Variants in HOXB8 observed in about 807,000 individuals in gnomAD.
The protein encoded by HOXB8 is homeobox protein Hox-B8.
Under a neutral mutation model 22.2 loss-of-function variants are expected in HOXB8, and 17 were observed. That is an observed-to-expected ratio of 0.77 (90% confidence interval 0.53 to 1.15). The LOEUF is 1.15. Among genes scored for constraint, HOXB8 ranks in the 50% most tolerant of loss-of-function variants. The probability of loss-of-function intolerance (pLI) is 0.00; values close to 1 mark genes in which losing one functional copy is unlikely to be tolerated. For missense variants in HOXB8, 287 were observed against 323.8 expected (o/e 0.89, Z 0.87); for synonymous variants, 156 against 144.6 (o/e 1.08, Z -0.57).
chr17:48,612,959 C>T lies in HOXB8; in HGVS notation c.*243G>A. On this transcript the variant is annotated 3_prime_UTR_variant, in exon 2 of 2. Coordinates refer to ENST00000239144, the MANE Select transcript of HOXB8 (RefSeq NM_024016.4). ...AGGGCGAGGGAGCCTTTGCTTAAATCCTTTTCTTTCCCCCCGGCCCCCAAG... is the reference window on the plus strand; with the variant it reads ...AGGGCGAGGGAGCCTTTGCTTAAATTCTTTTCTTTCCCCCCGGCCCCCAAG... 5.3e-6 allele frequency: 1 copy of T among 190,090 alleles called. No homozygotes were observed. Among genetic ancestry groups the T allele is most frequent in the Non-Finnish European group, 1.1e-5 (1 of 94,382 alleles). The allele number at this position is 190,090 out of a possible 1,614,324, so 11.8% of individuals were successfully genotyped here.
Position 48,613,194 on chromosome 17 carries a change from G to C in HOXB8, c.*8C>G. ...GGCGGCCGCGGCCCTGGCAGTCCCA[G>C]CTGAAGCCTACTTCTTGTCGCCCTT... On this transcript the variant is annotated 3_prime_UTR_variant, in exon 2 of 2. Coordinates refer to ENST00000239144, the MANE Select transcript of HOXB8 (RefSeq NM_024016.4). The C allele has an allele frequency of 6.3e-7, 1 of 1,588,160 alleles. No homozygotes were observed. The highest frequency in any genetic ancestry group is 8.6e-7 in the Non-Finnish European group (1 of 1,166,378).
In HOXB8 at chr17:48,613,430, A is replaced by G. The variant is rs1260288666; in HGVS notation, c.504T>C (p.Asn168=). ...TTCGCCGCTTACGAGTCAGATAGGG[A>G]TTAAATAGGAACTCCTTCTCCAGCT... ...TLELEKEFLF[N]PYLTRKRRIE... is the part of the protein sequence containing the mutation. The change falls in exon 2 of 2, where the codon AAT becomes AAC. Residue 168 remains asparagine, a synonymous_variant. Transcript: ENST00000239144. 2 of 1,612,702 alleles carry G rather than the reference A, an allele frequency of 1.2e-6. No homozygotes were observed. Among genetic ancestry groups the G allele is most frequent in the Non-Finnish European group, 8.5e-7 (1 of 1,179,510 alleles).
chr17:48,614,205 G>T lies in HOXB8; in HGVS notation c.424+76C>A. 2 of 1,320,702 alleles carry T rather than the reference G, an allele frequency of 1.5e-6. No homozygotes were observed. 81.8% of individuals were successfully genotyped at this position (1,320,702 alleles called of 1,614,324 possible). A position where few individuals can be genotyped will look rare whatever the true frequency, so the allele number is the denominator to read the frequency against. ...CCGGCAAGTCTTCCAGAAGCTGGAG[G>T]AAATGCGCCCCGGCCTGCCAGGCCT... On this transcript the variant is annotated intron_variant, in intron 1 of 1. Transcript: ENST00000239144. The surrounding 1 kb of genome is among the most constrained non-coding windows in gnomAD (Gnocchi z 4.1).
chr17:48,613,821 G>C (rs891651326), intron 1 of HOXB8, among the ~76,000 whole-genome samples: 1 of 152,136 alleles, frequency 6.6e-6, no homozygotes, highest in Admixed American at 6.5e-5. Flanking sequence ...TAGGAGGAAG[G>C]ATGTGAAGGA....
intron 1 of HOXB8, 45 bp from the exon 2 acceptor site, chr17:48,613,554 G>T: frequency 1.4e-6 from 1 of 723,298 alleles, no homozygotes. Context: ...GGGAGGGTGG[G>T]GGAGGGGGCA....
rs1408687410 is a variant in HOXB8 at position 48,614,452 on chromosome 17, A to C, written c.253T>G (p.Phe85Val). 6.2e-7 allele frequency: 1 copy of C among 1,613,820 alleles called. No individual in the cohort carries two copies. Among genetic ancestry groups the C allele is most frequent in the Non-Finnish European group, 8.5e-7 (1 of 1,179,920 alleles). The change falls in exon 1 of 2, where the codon TTC (phenylalanine) becomes GTC (valine). Residue 85 changes from phenylalanine to valine, a missense_variant. Physicochemically the swap from Phe to Val is conservative, Grantham distance 50 (BLOSUM62 -1). Transcript: ENST00000239144. The surrounding 1 kb of genome is among the most constrained non-coding windows in gnomAD (Gnocchi z 4.1). The stretch of plus-strand genomic sequence containing the variant: ...CGTTGCAGCGGGTCGTAGCCGTAGA[A>C]ATTGCCGGGGTCCCCGTGGCACGCC... The part of the protein sequence containing the change: ...AVACHGDPGN[F>V]YGYDPLQRQS...
rs2070698372 is a variant in HOXB8, at chr17:48,614,429, T to C, written c.276A>G (p.Gln92=). 1 of 1,613,756 alleles carries C rather than the reference T, an allele frequency of 6.2e-7. No homozygotes were observed. The highest frequency in any genetic ancestry group is 1.7e-5 in the Admixed American group (1 of 60,002). ...CCTGCGCACCGAATAGGCTCTGGCGTTGCAGCGGGTCGTAGCCGTAGAAAT... is the reference window on the plus strand; with the variant it reads ...CCTGCGCACCGAATAGGCTCTGGCGCTGCAGCGGGTCGTAGCCGTAGAAAT... ...PGNFYGYDPL[Q]RQSLFGAQDP... Residue 92 remains glutamine, a synonymous_variant, in exon 1 of 2, where the codon CAA becomes CAG. Transcript: ENST00000239144. The surrounding 1 kb of genome is among the most constrained non-coding windows in gnomAD (Gnocchi z 4.1).
Position 48,614,298 on chromosome 17 carries a change from G to A in HOXB8, c.407C>T (p.Pro136Leu). 1 of 1,534,252 alleles carries A rather than the reference G, an allele frequency of 6.5e-7. No individual in the cohort carries two copies. Among genetic ancestry groups the A allele is most frequent in the Non-Finnish European group, 8.7e-7 (1 of 1,151,062 alleles). ...GAGCTCACCTTGCGGGCGCATCCAG[G>A]GGAAGAGCTGTGTGGGCGACGGGCT... ...EQSPSPTQLF[P>L]WMRPQAAAGR... Residue 136 changes from proline to leucine, a missense_variant, in exon 1 of 2, where the codon CCC becomes CTC. By Grantham distance (98) the Pro-to-Leu change is moderately conservative. Transcript: ENST00000239144. The surrounding 1 kb of genome is among the most constrained non-coding windows in gnomAD (Gnocchi z 4.1).
chr17:48,613,537 AGGGGAGGGGAGGGTGGGGGAG>A, intron 1 of HOXB8, 28 bp from the exon 2 acceptor site: 6 of 108,536 alleles, frequency 5.5e-5, no homozygotes, highest in African/African-American at 3.1e-4. Flanking sequence ...GGCGAGACAG[AGGGGAGGGGAGGGTGGGGGAG>A]GGGGCAGGGA....
At chr17:48,613,750 G>T (rs1458232895) in intron 1 of HOXB8, among the ~76,000 whole-genome samples, 2 of 151,988 alleles carry the variant, frequency 1.3e-5, no homozygotes, top group African/African-American at 4.8e-5. Context: ...CCCCTCCCCC[G>T]GTAACCAGCA....
At chr17:48,613,683 G>A (rs965928165) in intron 1 of HOXB8, among the ~76,000 whole-genome samples, 174 bp from the exon 2 acceptor site, 3 of 152,144 alleles carry the variant, frequency 2.0e-5, no homozygotes, top group Admixed American at 6.5e-5. Flanking sequence ...GTCGGCGGAG[G>A]AGGAGGGGCG....
In HOXB8 at chr17:48,614,763, G is replaced by C. The variant is rs533996232; in HGVS notation, c.-59C>G. The C allele has an allele frequency of 4.1e-5, 47 of 1,144,358 alleles. No individual in the cohort carries two copies. The African/African-American group carries it at 6.3e-4, about 15-fold the overall frequency. The allele number at this position is 1,144,358 out of a possible 1,614,324, so 70.9% of individuals were successfully genotyped here. The stretch of plus-strand genomic sequence containing the variant: ...GGCTATAGTTGGGGGCTGTTGGGGA[G>C]GGGGTGGGGAGGGGGAAAGGGAGGG... On this transcript the variant is annotated 5_prime_UTR_variant, in exon 1 of 2. Transcript: ENST00000239144. This position sits in a 1 kb window ranked among gnomAD's most constrained non-coding sequence, Gnocchi z 4.1.
In HOXB8 at chr17:48,614,522, C is replaced by A. The variant is rs1183799069; in HGVS notation, c.183G>T (p.Pro61=). 6 of 1,613,764 alleles carry A rather than the reference C, an allele frequency of 3.7e-6. No individual in the cohort carries two copies. The highest frequency in any genetic ancestry group is 5.1e-6 in the Non-Finnish European group (6 of 1,179,938). ...GGTAGGGAGCCGTGGACAGCGACGACGGCCCGTGGTAGAACTCCTGGATTT... is the reference window on the plus strand; with the variant it reads ...GGTAGGGAGCCGTGGACAGCGACGAAGGCCCGTGGTAGAACTCCTGGATTT... ...PSQIQEFYHG[P]SSLSTAPYQQ... Residue 61 remains proline (P), a synonymous_variant, in exon 1 of 2, where the codon CCG becomes CCT. Coordinates refer to ENST00000239144, the MANE Select transcript of HOXB8 (RefSeq NM_024016.4). This position sits in a 1 kb window ranked among gnomAD's most constrained non-coding sequence, Gnocchi z 4.1.
Position 48,613,831 on chromosome 17 carries a change from A to AG in HOXB8, c.425-323dup, listed in dbSNP as rs1010295425. On this transcript the variant is annotated intron_variant, in intron 1 of 1. Coordinates refer to ENST00000239144, the MANE Select transcript of HOXB8 (RefSeq NM_024016.4). ...AACTTTAGGAGGAAGGATGTGAAGG[A>AG]GGGGGGAAAATAAGAATAAAAAAGC... is the stretch of plus-strand genomic sequence containing the variant. Among the ~76,000 whole-genome samples, 4 of 152,172 alleles carry AG rather than the reference A, an allele frequency of 2.6e-5. No individual in the cohort carries two copies. In the East Asian group the frequency reaches 7.7e-4, roughly 29 times the overall value.
At position 48,615,066 on chromosome 17, in the gene HOXB8, A is replaced by C. The variant is rs926900222; in HGVS notation, c.-362T>G. The C allele has an allele frequency of 5.1e-6, 1 of 194,600 alleles. No homozygotes were observed. Among genetic ancestry groups the C allele is most frequent in the Non-Finnish European group, 1.0e-5 (1 of 97,626 alleles). 12.1% of individuals were successfully genotyped at this position (194,600 alleles called of 1,614,324 possible). ...AGGTCCTCGCTTTACATTTCGAAGAAGGGATGCCAGTTCATAAACAGTTTT... is the reference window on the plus strand; with the variant it reads ...AGGTCCTCGCTTTACATTTCGAAGACGGGATGCCAGTTCATAAACAGTTTT... On this transcript the variant is annotated 5_prime_UTR_variant, in exon 1 of 2. Transcript: ENST00000239144.
Position 48,613,130 on chromosome 17 carries a change from G to T in HOXB8, c.*72C>A. 2.8e-6 allele frequency: 3 copies of T among 1,089,246 alleles called. 1 individual carries two copies. The highest frequency in any genetic ancestry group is 3.4e-6 in the Non-Finnish European group (3 of 873,614). 67.5% of individuals were successfully genotyped at this position (1,089,246 alleles called of 1,614,324 possible). Reference sequence around the variant, plus strand: ...GGGGCCAGAGCTCTCTCGGGCAGGGGCGCGCGGCGGCGGCGCGGCCGGGAC... The same window carrying T: ...GGGGCCAGAGCTCTCTCGGGCAGGGTCGCGCGGCGGCGGCGCGGCCGGGAC... On this transcript the variant is annotated 3_prime_UTR_variant, in exon 2 of 2. Coordinates refer to ENST00000239144, the MANE Select transcript of HOXB8 (RefSeq NM_024016.4).
Position 48,613,260 on chromosome 17 carries a change from A to G in HOXB8, c.674T>C (p.Leu225Pro). The change falls in exon 2 of 2, where the codon CTG becomes CCG. Residue 225 changes from leucine (L) to proline (P), a missense_variant. This residue lies in a region of HOXB8 where 52 missense variants were observed against 54.8 expected (regional missense o/e 0.95). Transcript: ENST00000239144. ...GTCCGCCGCCTCTGGGGCCCGCTCC[A>G]GCTTCTGTTTCTCCAGCTCCTCCTG... Reference protein sequence around the residue: ...CEQEELEKQKLERAPEAADEG... With the variant: ...CEQEELEKQKPERAPEAADEG... 1 of 1,613,558 alleles carries G rather than the reference A, an allele frequency of 6.2e-7. No homozygotes were observed. The highest frequency in any genetic ancestry group is 1.7e-5 in the Admixed American group (1 of 59,986).
At position 48,613,061 on chromosome 17, in the gene HOXB8, CGGGGGACGCTGCGGT is replaced by C. The variant is rs984870294; in HGVS notation, c.*126_*140del. Reference sequence around the variant, plus strand: ...CTACCACTAGCGGGGACTGGCGCGGCGGGGGACGCTGCGGTGGGAGGCCCGGCTCCTGGCCCCGCT... The same window carrying C: ...CTACCACTAGCGGGGACTGGCGCGGCGGGAGGCCCGGCTCCTGGCCCCGCT... On this transcript the variant is annotated 3_prime_UTR_variant, in exon 2 of 2. Transcript: ENST00000239144. The C allele has an allele frequency of 9.6e-5, 32 of 333,562 alleles. No individual in the cohort carries two copies. Among genetic ancestry groups the C allele is most frequent in the African/African-American group, 6.8e-4 (31 of 45,468 alleles). 20.7% of individuals were successfully genotyped at this position (333,562 alleles called of 1,614,324 possible). A position where few individuals can be genotyped will look rare whatever the true frequency, so the allele number is the denominator to read the frequency against.
At position 48,612,473 on chromosome 17, in the gene HOXB8, G is replaced by A. The variant is rs2144999248; in HGVS notation, c.*729C>T. The A allele has an allele frequency of 6.5e-6, 1 of 152,728 alleles. No individual in the cohort carries two copies. The highest frequency in any genetic ancestry group is 2.1e-4 in the South Asian group (1 of 4,824). 9.5% of individuals were successfully genotyped at this position (152,728 alleles called of 1,614,324 possible). On this transcript the variant is annotated 3_prime_UTR_variant, in exon 2 of 2. Transcript: ENST00000239144. The stretch of plus-strand genomic sequence containing the variant: ...CCTCCCCCCCATAAAGCAATTCACG[G>A]ATACAGAATACATTCTCTTCACAGT...
Sources: allele counts gnomAD v4.1 joint callset (sites outside exome capture counted in the v4.1 genomes callset), GRCh38; gene constraint gnomAD v4.1.1; regional missense constraint gnomAD v4.1.1; non-coding constraint Gnocchi (gnomAD v3.1); transcripts MANE v1.5; gene names NCBI Gene and HGNC (gene_info 2026-07-23, HGNC 2026-07-21).